HDAC9: variants seen among roughly 807,000 people sequenced by gnomAD.
HDAC9 encodes MEF-2 interacting transcription repressor (MITR) protein.
In HDAC9, 41 loss-of-function variants were observed where a neutral mutation model predicts 139.4. The ratio of observed to expected loss-of-function variants is 0.29; its 90% CI spans 0.23 to 0.38. The LOEUF (loss-of-function observed/expected upper bound fraction) is 0.38. Ranked by LOEUF, HDAC9 falls within the 10% of genes least tolerant of loss-of-function variation. HDAC9 has a pLI of 1.00. For synonymous variants in HDAC9, 517 were observed against 476.2 expected (o/e 1.09, Z -1.12); for missense variants, 1,147 against 1,297.0 (o/e 0.88, Z 1.78).
At chr7:18,628,644 T>C (rs886462248) in intron 6 of HDAC9, among the ~76,000 whole-genome samples, 6 of 152,208 alleles carry the variant, frequency 3.9e-5, no homozygotes, top group Admixed American at 3.9e-4. Context: ...AATGGTAACA[T>C]ACATGTGAAT....
intron 1 of HDAC9, among the ~76,000 whole-genome samples, chr7:18,125,260 G>A (rs1005409849): frequency 6.6e-6 from 1 of 152,044 alleles, no homozygotes; most frequent in Non-Finnish European, 1.5e-5. Flanking sequence ...TGCAGTGCAA[G>A]TGAAGATCAA....
chr7:18,647,629 T>C (rs900603431), intron 9 of HDAC9, among the ~76,000 whole-genome samples, 156 bp from the exon 10 acceptor site: 1 of 152,120 alleles, frequency 6.6e-6, no homozygotes, highest in Non-Finnish European at 1.5e-5. Context: ...TTGAACTGAG[T>C]TAGTTTAAAA....
intron 22 of HDAC9, among the ~76,000 whole-genome samples, chr7:18,897,295 T>G (rs888942757): frequency 1.3e-5 from 2 of 152,004 alleles, no homozygotes; most frequent in Non-Finnish European, 2.9e-5. Context: ...GAAGAAAAGG[T>G]AATAAAGCCT....
intron 12 of HDAC9, among the ~76,000 whole-genome samples, chr7:18,696,616 C>T (rs1269537444): frequency 6.6e-6 from 1 of 151,758 alleles, no homozygotes; most frequent in Admixed American, 6.6e-5. Context: ...TACAGATGCA[C>T]GTCACCACGC....
At chr7:18,184,914 T>G (rs1789786234) in intron 2 of HDAC9, among the ~76,000 whole-genome samples, 1 of 152,198 alleles carries the variant, frequency 6.6e-6, no homozygotes, top group African/African-American at 2.4e-5. Context: ...ACTGCAGAGC[T>G]TGCCTTAGTC....
intron 1 of HDAC9, among the ~76,000 whole-genome samples, chr7:18,423,830 T>C (rs1264324197): frequency 6.6e-6 from 1 of 152,214 alleles, no homozygotes; most frequent in African/African-American, 2.4e-5. Flanking sequence ...TTGCATTATA[T>C]GGGCCAAAGC....
chr7:18,520,971 A>G (rs1203347068), intron 2 of HDAC9, among the ~76,000 whole-genome samples: 9 of 152,236 alleles, frequency 5.9e-5, no homozygotes, highest in African/African-American at 1.4e-4. Flanking sequence ...AGCCATGAGA[A>G]TGACACAAAG....
chr7:18,792,878 C>T (rs977456633), intron 16 of HDAC9, among the ~76,000 whole-genome samples: 1 of 152,166 alleles, frequency 6.6e-6, no homozygotes, highest in African/African-American at 2.4e-5. Context: ...TGTTTGGCTC[C>T]CTGTAAACCT....
intron 1 of HDAC9, among the ~76,000 whole-genome samples, chr7:18,485,792 T>TG (rs2128131258): frequency 1.3e-5 from 2 of 152,264 alleles, no homozygotes; most frequent in African/African-American, 4.8e-5. Context: ...AAAGGCTAAG[T>TG]AACGTATCCA....
intron 8 of HDAC9, among the ~76,000 whole-genome samples, chr7:18,636,065 T>G (rs1284575607): frequency 6.6e-6 from 1 of 152,124 alleles, no homozygotes; most frequent in African/African-American, 2.4e-5. Flanking sequence ...AGCAAAGGAC[T>G]GAAGCCAGTA....
intron 9 of HDAC9, among the ~76,000 whole-genome samples, chr7:18,647,220 G>GA (rs1787712379): frequency 6.6e-6 from 1 of 152,140 alleles, no homozygotes; most frequent in South Asian, 2.1e-4. Context: ...AAATATTTTA[G>GA]AAATGTACTT....
chr7:18,417,202 C>T (rs1485467649), intron 1 of HDAC9, among the ~76,000 whole-genome samples: 3 of 152,126 alleles, frequency 2.0e-5, no homozygotes, highest in African/African-American at 7.2e-5. Context: ...TCTGCATTGT[C>T]TCCTCTGCCG....
Position 18,162,245 on chromosome 7 carries a change from C to T in HDAC9, c.-80C>T, listed in dbSNP as rs1257568370. ...ATGTTCTAGGTTTCTCCTCTGCCAA[C>T]CCCTCCTGGACCATTGTCAGCAGTT... On this transcript the variant is annotated 5_prime_UTR_variant, in exon 2 of 13. Transcript: ENST00000417496. 1.0e-5 allele frequency: 13 copies of T among 1,300,550 alleles called. No individual in the cohort carries two copies. In the Admixed American group the frequency reaches 1.2e-4, roughly 12 times the overall value. 80.6% of individuals were successfully genotyped at this position (1,300,550 alleles called of 1,614,324 possible).
intron 2 of HDAC9, among the ~76,000 whole-genome samples, chr7:18,230,220 A>G (rs1228631679): frequency 1.3e-5 from 2 of 152,196 alleles, no homozygotes; most frequent in African/African-American, 2.4e-5. Flanking sequence ...AAAAAGCTGG[A>G]TGAAAGATGT....
rs1792389620 is a variant in HDAC9, at chr7:18,792,281, A to AG, written c.2215-1064_2215-1063insG. Among the ~76,000 whole-genome samples the AG allele has an allele frequency of 5.3e-5, 8 of 151,346 alleles. No individual in the cohort carries two copies. The South Asian group carries it at 1.7e-3, about 31-fold the overall frequency. On this transcript the variant is annotated intron_variant, in intron 16 of 25. Coordinates refer to ENST00000686413, the MANE Select transcript of HDAC9 (RefSeq NM_178425.4). ...TCTTTTTTTTTTAAAAAAAAAAAAA[A>AG]AAGCTTTGTTTTATGCAGAATTTCT...
intron 21 of HDAC9, among the ~76,000 whole-genome samples, chr7:18,864,393 T>C (rs1798335370): frequency 6.6e-6 from 1 of 151,560 alleles, no homozygotes; most frequent in African/African-American, 2.4e-5. Context: ...GGGGAGTTGC[T>C]CAAAGGATAT....
At chr7:18,624,294 C>T (rs1454013816) in intron 6 of HDAC9, among the ~76,000 whole-genome samples, 2 of 152,134 alleles carry the variant, frequency 1.3e-5, no homozygotes, top group Non-Finnish European at 2.9e-5. Context: ...AGGCATTCTT[C>T]AGATATTTTC....
intron 1 of HDAC9, among the ~76,000 whole-genome samples, chr7:18,440,749 A>T (rs77486074): frequency 1.6e-4 from 25 of 152,326 alleles, no homozygotes; most frequent in African/African-American, 5.8e-4. Flanking sequence ...GATGCTGATG[A>T]TTCTAAGATG....
intron 1 of HDAC9, among the ~76,000 whole-genome samples, chr7:18,115,949 T>C (rs1783948762): frequency 1.3e-5 from 2 of 152,352 alleles, no homozygotes; most frequent in South Asian, 4.1e-4. Context: ...ACCACTTCAC[T>C]ACATTGATAC....
Sources: gnomAD v4.1 joint callset for allele counts (sites outside exome capture counted in the v4.1 genomes callset) on GRCh38, gnomAD v4.1.1 for gene constraint, MANE v1.5 for transcripts, NCBI Gene and HGNC (gene_info 2026-07-23, HGNC 2026-07-21) for gene names.